Variants in CPED1 observed in about 807,000 individuals in gnomAD.
CPED1 encodes cadherin like and PC-esterase domain containing 1.
CPED1 carries 114 observed loss-of-function variants against 128.2 expected under a neutral mutation model. The observed-to-expected ratio is 0.89, with a 90% confidence interval of 0.76 to 1.04. CPED1 has a LOEUF of 1.04. Among genes scored for constraint, CPED1 ranks in the 50% least tolerant of loss-of-function variants. CPED1 has a pLI of 0.00. For missense variants in CPED1, 1,211 were observed against 1,207.1 expected (o/e 1.00, Z -0.05); for synonymous variants, 462 against 426.7 (o/e 1.08, Z -1.02).
At chr7:121,203,172 CAA>C (rs1797439149) in intron 16 of CPED1, among the ~76,000 whole-genome samples, 1 of 152,060 alleles carries the variant, frequency 6.6e-6, no homozygotes. Flanking sequence ...TTAAGAAGAT[CAA>C]AGTCAGCTGG....
chr7:121,145,327 G>T (rs941248365), intron 16 of CPED1, among the ~76,000 whole-genome samples: 5 of 152,026 alleles, frequency 3.3e-5, no homozygotes, highest in Non-Finnish European at 7.4e-5. Context: ...AAATGTTACT[G>T]TAATATCAAG....
At chr7:121,065,659 A>T (rs1424630571) in intron 5 of CPED1, among the ~76,000 whole-genome samples, 1 of 152,142 alleles carries the variant, frequency 6.6e-6, no homozygotes, top group Non-Finnish European at 1.5e-5. Flanking sequence ...CCAGTGTTTT[A>T]AAAAGTTCCC....
chr7:121,032,919 T>G (rs944123742), intron 3 of CPED1, among the ~76,000 whole-genome samples: 6 of 152,168 alleles, frequency 3.9e-5, no homozygotes, highest in African/African-American at 1.4e-4. Context: ...GGATGAAACT[T>G]GTCTTAGGCG....
At chr7:121,234,038 C>G (rs915960596) in intron 16 of CPED1, among the ~76,000 whole-genome samples, 5 of 152,084 alleles carry the variant, frequency 3.3e-5, no homozygotes, top group Non-Finnish European at 4.4e-5. Context: ...CTAGAACTCC[C>G]TAGCTGGTGT....
At chr7:121,275,772 T>C (rs566255925) in intron 22 of CPED1, among the ~76,000 whole-genome samples, 1 of 152,138 alleles carries the variant, frequency 6.6e-6, no homozygotes, top group East Asian at 1.9e-4. Flanking sequence ...GGTTTTCCAC[T>C]ATTAATTAAT....
At chr7:121,044,541 T>C (rs983138232) in intron 3 of CPED1, among the ~76,000 whole-genome samples, 1 of 150,830 alleles carries the variant, frequency 6.6e-6, no homozygotes, top group African/African-American at 2.4e-5. Flanking sequence ...GTCACCCTTA[T>C]GAATGGCAAA....
intron 16 of CPED1, among the ~76,000 whole-genome samples, chr7:121,161,920 C>T (rs1796420839): frequency 6.6e-6 from 1 of 152,148 alleles, no homozygotes; most frequent in Admixed American, 6.5e-5. Flanking sequence ...ATTTACCTTA[C>T]AAGTTGAGAT....
intron 22 of CPED1, among the ~76,000 whole-genome samples, chr7:121,293,737 A>G (rs905157190): frequency 6.6e-6 from 1 of 151,936 alleles, no homozygotes; most frequent in Non-Finnish European, 1.5e-5. Context: ...ACAGTCTCTC[A>G]TGCCTTCCCT....
chr7:121,022,300 A>C (rs1430373888), intron 3 of CPED1, among the ~76,000 whole-genome samples: 1 of 152,094 alleles, frequency 6.6e-6, no homozygotes, highest in Non-Finnish European at 1.5e-5. Context: ...TATTCTATTT[A>C]GACTTAAGTC....
chr7:121,291,542 A>G (rs1792702357), intron 22 of CPED1, among the ~76,000 whole-genome samples: 1 of 152,110 alleles, frequency 6.6e-6, no homozygotes, highest in South Asian at 2.1e-4. Context: ...ATTCCTAAGT[A>G]TTTTATTCTC....
chr7:121,182,116 A>G (rs1021387075), intron 16 of CPED1, among the ~76,000 whole-genome samples: 6 of 152,064 alleles, frequency 3.9e-5, no homozygotes, highest in Admixed American at 1.3e-4. Context: ...ATTTTAGACA[A>G]TAAGAATCAA....
intron 16 of CPED1, among the ~76,000 whole-genome samples, chr7:121,197,280 G>A (rs1039819280): frequency 1.3e-5 from 2 of 151,992 alleles, no homozygotes; most frequent in Admixed American, 1.3e-4. Context: ...CTCTATAAAT[G>A]TTTGTTGATC....
intron 17 of CPED1, among the ~76,000 whole-genome samples, chr7:121,237,485 G>A (rs576925127): frequency 6.6e-6 from 1 of 152,188 alleles, no homozygotes; most frequent in Admixed American, 6.5e-5. Context: ...GTTAAATCCT[G>A]CCTAAGCACT....
At chr7:121,214,707 C>T (rs1439870638) in intron 16 of CPED1, among the ~76,000 whole-genome samples, 1 of 152,014 alleles carries the variant, frequency 6.6e-6, no homozygotes. Flanking sequence ...CTAATTTTTA[C>T]ATTGTTAGAA....
chr7:121,293,553 GA>G (rs753131218), intron 22 of CPED1, among the ~76,000 whole-genome samples: 2 of 151,834 alleles, frequency 1.3e-5, no homozygotes, highest in Non-Finnish European at 2.9e-5. Context: ...ACTGGGGTAT[GA>G]AAAAAAAGCC....
In CPED1 at chr7:120,989,862, A is replaced by G. The variant is rs117047013; in HGVS notation, c.241A>G (p.Thr81Ala). 9.2e-4 allele frequency: 1,480 copies of G among 1,614,042 alleles called. 7 individuals are homozygous for G. In the Middle Eastern group the frequency reaches 0.011, roughly 12 times the overall value. The change falls in exon 2 of 23, where the codon ACC becomes GCC. Residue 81 changes from threonine (T) to alanine (A), a missense_variant. Transcript: ENST00000310396. Reference protein sequence around the residue: ...CFLLSGNAQETRKVKESMETH... With the variant: ...CFLLSGNAQEARKVKESMETH... Reference sequence around the variant, plus strand: ...CCTTCTCTCTGGTAATGCCCAGGAAACCAGAAAGGTAAGACTCTCATAAGC... The same window carrying G: ...CCTTCTCTCTGGTAATGCCCAGGAAGCCAGAAAGGTAAGACTCTCATAAGC...
intron 2 of CPED1, among the ~76,000 whole-genome samples, chr7:121,010,354 C>T (rs1321938807): frequency 6.6e-6 from 1 of 152,080 alleles, no homozygotes; most frequent in African/African-American, 2.4e-5. Flanking sequence ...TGGGTTCAAG[C>T]ATTCTCCTGC....
intron 7 of CPED1, among the ~76,000 whole-genome samples, chr7:121,122,372 C>T (rs1292696126): frequency 6.6e-6 from 1 of 152,148 alleles, no homozygotes; most frequent in Non-Finnish European, 1.5e-5. Context: ...AACTCCTGAT[C>T]TCAGGTGATC....
chr7:121,276,315 C>T (rs551709224), intron 22 of CPED1, among the ~76,000 whole-genome samples: 9 of 152,168 alleles, frequency 5.9e-5, no homozygotes, highest in South Asian at 2.1e-4. Flanking sequence ...AGCCCTTTCA[C>T]GACCCTTAAC....
Sources: allele counts gnomAD v4.1 joint callset (sites outside exome capture counted in the v4.1 genomes callset), GRCh38; gene constraint gnomAD v4.1.1; transcripts MANE v1.5; gene names NCBI Gene and HGNC (gene_info 2026-07-23, HGNC 2026-07-21).